The following KAZN variants were observed in gnomAD, a reference collection of about 807,000 sequenced individuals.
The protein encoded by KAZN is kazrin.
KAZN carries 40 observed loss-of-function variants against 87.4 expected under a neutral mutation model. The ratio of observed to expected loss-of-function variants is 0.46; its 90% CI spans 0.36 to 0.60. The LOEUF is 0.60. Ranked by LOEUF, KAZN falls within the 20% of genes least tolerant of loss-of-function variation. The pLI, the probability that KAZN is intolerant of heterozygous loss-of-function variation, is 0.00. For synonymous variants in KAZN, 466 were observed against 458.3 expected, an observed-to-expected ratio of 1.02 and a Z score of -0.22; for missense variants, 898 against 1,073.9, an observed-to-expected ratio of 0.84 and a Z score of 2.29.
At chr1:14,090,909 C>T (rs539929996) in intron 1 of KAZN, among the ~76,000 whole-genome samples, 3 of 151,842 alleles carry the variant, frequency 2.0e-5, no homozygotes, top group African/African-American at 4.8e-5. Flanking sequence ...GTCAGGTGTT[C>T]GAGACCAGCC....
chr1:14,898,217 C>T (rs544083529), intron 1 of KAZN, among the ~76,000 whole-genome samples: 3 of 152,274 alleles, frequency 2.0e-5, no homozygotes, highest in Admixed American at 2.0e-4. Flanking sequence ...ATTCTTGCTA[C>T]ATCATTTCAC....
intron 2 of KAZN, among the ~76,000 whole-genome samples, chr1:14,257,114 C>G (rs1229598381): frequency 6.6e-6 from 1 of 152,116 alleles, no homozygotes; most frequent in Non-Finnish European, 1.5e-5. Context: ...TTTGCCTGTT[C>G]AGCCCTGGAT....
intron 1 of KAZN, among the ~76,000 whole-genome samples, chr1:14,930,934 C>G (rs1659742181): frequency 6.6e-6 from 1 of 152,152 alleles, no homozygotes; most frequent in Non-Finnish European, 1.5e-5. Context: ...CAGCCCGAAG[C>G]CAGAGGCAAG....
chr1:15,064,103 G>A (rs757383382), intron 7 of KAZN, among the ~76,000 whole-genome samples: 3 of 152,222 alleles, frequency 2.0e-5, no homozygotes, highest in Non-Finnish European at 2.9e-5. Context: ...CCCAGGCAGT[G>A]GGTTTTTTGT....
At chr1:14,601,188 T>C (rs1676944717) in intron 1 of KAZN, among the ~76,000 whole-genome samples, 1 of 152,218 alleles carries the variant, frequency 6.6e-6, no homozygotes. Context: ...ATTTCTCCTC[T>C]TTGTACATTG....
At chr1:14,914,077 C>T (rs1657534922) in intron 1 of KAZN, among the ~76,000 whole-genome samples, 1 of 152,228 alleles carries the variant, frequency 6.6e-6, no homozygotes, top group Admixed American at 6.5e-5. Flanking sequence ...CAGTGGCCCT[C>T]AGCTGTCACA....
At chr1:14,524,686 C>T (rs1671773684) in intron 2 of KAZN, among the ~76,000 whole-genome samples, 1 of 152,118 alleles carries the variant, frequency 6.6e-6, no homozygotes, top group African/African-American at 2.4e-5. Context: ...TCCATAAAAC[C>T]CAGCAAACTT....
intron 8 of KAZN, among the ~76,000 whole-genome samples, chr1:15,089,999 C>T (rs1416115160): frequency 2.0e-5 from 3 of 152,160 alleles, no homozygotes; most frequent in African/African-American, 7.2e-5. Flanking sequence ...CGTGATTTCC[C>T]GGCTCTAATT....
intron 1 of KAZN, among the ~76,000 whole-genome samples, chr1:14,675,908 G>A (rs1017425471): frequency 6.6e-6 from 1 of 151,958 alleles, no homozygotes; most frequent in African/African-American, 2.4e-5. Flanking sequence ...TGCTCTGAGT[G>A]GCAGTGACTT....
At chr1:14,727,592 G>T (rs1572334707) in intron 1 of KAZN, among the ~76,000 whole-genome samples, 5 of 147,100 alleles carry the variant, frequency 3.4e-5, no homozygotes, top group African/African-American at 1.3e-4. Flanking sequence ...CGATTCTCCT[G>T]CCTCAGCCTC....
intron 1 of KAZN, among the ~76,000 whole-genome samples, chr1:14,050,203 C>CA (rs1403071420): frequency 6.8e-6 from 1 of 146,904 alleles, no homozygotes; most frequent in Non-Finnish European, 1.5e-5. Flanking sequence ...CATATGTGCA[C>CA]ATGTGTGGGC....
intron 13 of KAZN, among the ~76,000 whole-genome samples, chr1:15,107,007 G>A (rs1197306122): frequency 6.6e-6 from 1 of 152,192 alleles, no homozygotes; most frequent in Non-Finnish European, 1.5e-5. Context: ...AATATGGCCT[G>A]TCACTAAAAC....
chr1:13,929,581 C>A (rs1640429265), intron 1 of KAZN, among the ~76,000 whole-genome samples: 2 of 152,090 alleles, frequency 1.3e-5, no homozygotes, highest in South Asian at 2.1e-4. Flanking sequence ...TCTGGGGGCA[C>A]TTTGAGCAGC....
At chr1:14,156,014 C>T (rs930360646) in intron 1 of KAZN, among the ~76,000 whole-genome samples, 16 of 152,090 alleles carry the variant, frequency 1.1e-4, no homozygotes, top group African/African-American at 3.6e-4. Context: ...TACTGTGTCC[C>T]ATAGGTTCTG....
rs548540231 is a variant in KAZN at position 15,046,492 on chromosome 1, G to A, written c.726+2333G>A. On this transcript the variant is annotated intron_variant, in intron 4 of 14. Coordinates refer to ENST00000376030, the MANE Select transcript of KAZN (RefSeq NM_201628.3). ...AAAATCCGCCGATAATCAGACCCAC[G>A]CACCCATGCCGTCCAAACCCACGTT... Among the ~76,000 whole-genome samples, 19 of 152,238 alleles carry A rather than the reference G, an allele frequency of 1.2e-4. 1 individual carries two copies. The highest frequency in any genetic ancestry group is 2.9e-4 in the African/African-American group (12 of 41,542).
rs199793184 is a variant in KAZN at position 14,463,316 on chromosome 1, C to T, written c.250-135667C>T. Among the ~76,000 whole-genome samples, 5 of 152,220 alleles carry T rather than the reference C, an allele frequency of 3.3e-5. No individual in the cohort carries two copies. In the East Asian group the frequency reaches 9.7e-4, roughly 29 times the overall value. On this transcript the variant is annotated intron_variant, in intron 2 of 16. Transcript: ENST00000636203. The stretch of plus-strand genomic sequence containing the variant: ...TTTTTGCCATCTGCTGGCTTCTTCA[C>T]TTTATCTTGTCTGGACCAGATTCTG...
intron 1 of KAZN, among the ~76,000 whole-genome samples, chr1:14,670,183 A>T (rs1463775574): frequency 6.7e-6 from 1 of 149,272 alleles, no homozygotes; most frequent in African/African-American, 2.5e-5. Context: ...AAAAACTTAG[A>T]CTCTTTAGTA....
intron 2 of KAZN, among the ~76,000 whole-genome samples, chr1:14,310,675 G>T (rs528412339): frequency 2.6e-5 from 4 of 152,248 alleles, no homozygotes; most frequent in Non-Finnish European, 4.4e-5. Context: ...AAGTTTACTC[G>T]CAATTTCTAT....
chr1:14,946,324 T>C (rs1167761509), intron 1 of KAZN, among the ~76,000 whole-genome samples: 3 of 146,900 alleles, frequency 2.0e-5, no homozygotes, highest in African/African-American at 8.0e-5. Context: ...TCTCTCTCTT[T>C]TTTTTTTTTA....
Sources: allele counts gnomAD v4.1 joint callset (sites outside exome capture counted in the v4.1 genomes callset), GRCh38; gene constraint gnomAD v4.1.1; transcripts MANE v1.5; gene names NCBI Gene and HGNC (gene_info 2026-07-23, HGNC 2026-07-21).